Variants in RAD51B observed in about 807,000 individuals in gnomAD.
The protein encoded by RAD51B is RAD51 paralog B.
In RAD51B, 38 loss-of-function variants were observed where a neutral mutation model predicts 42.2. The observed-to-expected ratio is 0.90, with a 90% CI of 0.70 to 1.18. The LOEUF (loss-of-function observed/expected upper bound fraction) is 1.18, where lower values mean the gene tolerates loss of function less well. RAD51B is among the 50% of genes most tolerant of loss of function. The pLI is 0.00. For synonymous variants in RAD51B, 154 were observed against 145.2 expected, an observed-to-expected ratio of 1.06 and a Z score of -0.43; for missense variants, 373 against 400.7, an observed-to-expected ratio of 0.93 and a Z score of 0.59.
At chr14:68,196,001 C>A (rs1173821651) in intron 7 of RAD51B, among the ~76,000 whole-genome samples, 4 of 150,128 alleles carry the variant, frequency 2.7e-5, no homozygotes, top group Non-Finnish European at 5.9e-5. Flanking sequence ...GTCAGGAGTT[C>A]AAGACCATCC....
At chr14:68,573,990 G>C (rs916383411) in intron 10 of RAD51B, among the ~76,000 whole-genome samples, 1 of 151,918 alleles carries the variant, frequency 6.6e-6, no homozygotes, top group African/African-American at 2.4e-5. Flanking sequence ...ATGTGTGTGT[G>C]TGTGTGTGTG....
chr14:68,129,020 T>G (rs2077831597), intron 7 of RAD51B, among the ~76,000 whole-genome samples: 1 of 152,184 alleles, frequency 6.6e-6, no homozygotes, highest in South Asian at 2.1e-4. Context: ...AGGGCACTGG[T>G]CTTGCTTCTG....
intron 7 of RAD51B, among the ~76,000 whole-genome samples, chr14:67,972,951 G>GAGT (rs1566986291): frequency 6.6e-6 from 1 of 152,080 alleles, no homozygotes; most frequent in East Asian, 1.9e-4. Context: ...TCTCTTGTAT[G>GAGT]AGTAGATCCC....
intron 7 of RAD51B, chr14:68,236,138 CTG>C (rs2080251757): frequency 6.6e-6 from 1 of 152,140 alleles, no homozygotes; most frequent in Non-Finnish European, 1.5e-5. Flanking sequence ...GCAAAATAAT[CTG>C]TGCACTAAAC....
At chr14:67,835,486 T>TA (rs1430189547) in intron 4 of RAD51B, among the ~76,000 whole-genome samples, 1 of 151,762 alleles carries the variant, frequency 6.6e-6, no homozygotes, top group Non-Finnish European at 1.5e-5. Context: ...GTGTTATATA[T>TA]ATAATGCATA....
downstream of RAD51B, among the ~76,000 whole-genome samples, chr14:68,482,479 A>T (rs575296603): frequency 1.8e-4 from 27 of 152,280 alleles, no homozygotes. Context: ...GAAAGGGAGG[A>T]TAAGGATTAG....
intron 8 of RAD51B, among the ~76,000 whole-genome samples, chr14:68,377,808 G>A (rs2083401436): frequency 1.3e-5 from 2 of 152,206 alleles, no homozygotes; most frequent in Admixed American, 6.5e-5. Flanking sequence ...ACAGGCCCGA[G>A]TTCCTTCATC....
chr14:68,471,911 G>A (rs371948650), intron 10 of RAD51B: 2 of 153,568 alleles, frequency 1.3e-5, no homozygotes, highest in East Asian at 3.7e-4. Context: ...CTGAGGGTTT[G>A]GACTCTGAGA....
intron 9 of RAD51B, among the ~76,000 whole-genome samples, chr14:68,445,774 ATAAT>A (rs1689630408): frequency 6.6e-6 from 1 of 152,218 alleles, no homozygotes; most frequent in Admixed American, 6.5e-5. Flanking sequence ...TGGGAAATCT[ATAAT>A]TAAGACTTTT....
chr14:67,933,965 A>C (rs922308461), intron 7 of RAD51B, among the ~76,000 whole-genome samples: 1 of 152,216 alleles, frequency 6.6e-6, no homozygotes, highest in Admixed American at 6.5e-5. Context: ...GCAATAAATA[A>C]AGTCAATATA....
At position 67,885,901 on chromosome 14, in the gene RAD51B, G is replaced by T. The variant is rs779782151; in HGVS notation, c.485G>T (p.Arg162Ile). ...GAAATAGCAGAATCCCGTTTTCCCA[G>T]ATATTTTAACACTGAAGAAAAGTTA... ...LVEIAESRFP[R>I]YFNTEEKLLL... is the part of the protein sequence containing the mutation. The change falls in exon 6 of 11, where the codon AGA (arginine) becomes ATA (isoleucine). Residue 162 changes from arginine (R) to isoleucine (I), a missense_variant. Transcript: ENST00000471583. 2 of 1,609,382 alleles carry T rather than the reference G, an allele frequency of 1.2e-6. No homozygotes were observed. Among genetic ancestry groups the T allele is most frequent in the Non-Finnish European group, 1.7e-6 (2 of 1,176,736 alleles).
chr14:67,830,112 A>T (rs573339182), intron 3 of RAD51B, among the ~76,000 whole-genome samples: 262 of 152,278 alleles, frequency 1.7e-3, no homozygotes, highest in African/African-American at 6.1e-3. Flanking sequence ...AACAACGAAG[A>T]AGAGAGTGGT....
intron 10 of RAD51B, among the ~76,000 whole-genome samples, chr14:68,551,591 T>C (rs1291030344): frequency 1.3e-5 from 2 of 152,232 alleles, no homozygotes; most frequent in African/African-American, 4.8e-5. Context: ...AGTATTTACA[T>C]CCAGGATTTC....
chr14:68,386,973 T>G (rs1309888004), intron 8 of RAD51B, among the ~76,000 whole-genome samples: 1 of 152,184 alleles, frequency 6.6e-6, no homozygotes, highest in African/African-American at 2.4e-5. Context: ...CCTAATAGAG[T>G]GGAATGAACA....
intron 7 of RAD51B, among the ~76,000 whole-genome samples, chr14:68,009,661 C>G (rs1342038616): frequency 6.6e-6 from 1 of 151,786 alleles, no homozygotes; most frequent in Non-Finnish European, 1.5e-5. Flanking sequence ...TATTTAGTTC[C>G]CTGCTCAAGC....
At chr14:68,505,007 A>C (rs1312261045) in intron 10 of RAD51B, among the ~76,000 whole-genome samples, 1 of 152,298 alleles carries the variant, frequency 6.6e-6, no homozygotes, top group East Asian at 1.9e-4. Context: ...TAGTATGTAA[A>C]ACTCAGGCGA....
At chr14:68,405,385 A>G (rs2084240254) in intron 8 of RAD51B, among the ~76,000 whole-genome samples, 1 of 152,192 alleles carries the variant, frequency 6.6e-6, no homozygotes, top group Non-Finnish European at 1.5e-5. Flanking sequence ...TCAAGGTTAC[A>G]GTGGGCTATG....
At chr14:68,567,675 C>G (rs759410212) in intron 10 of RAD51B, among the ~76,000 whole-genome samples, 4 of 152,220 alleles carry the variant, frequency 2.6e-5, no homozygotes, top group South Asian at 4.1e-4. Flanking sequence ...TTTTCTACCC[C>G]AGTCATCACG....
intron 9 of RAD51B, among the ~76,000 whole-genome samples, chr14:68,439,190 TCTCA>T (rs1594839835): frequency 1.4e-5 from 2 of 141,358 alleles, no homozygotes; most frequent in East Asian, 2.1e-4. Context: ...ACACACACTC[TCTCA>T]CACACACATT....
Sources: gnomAD v4.1 joint callset for allele counts (sites outside exome capture counted in the v4.1 genomes callset) on GRCh38, gnomAD v4.1.1 for gene constraint, MANE v1.5 for transcripts, NCBI Gene and HGNC (gene_info 2026-07-23, HGNC 2026-07-21) for gene names.